Variants in ITPR1 observed in about 807,000 individuals in gnomAD.
ITPR1 encodes inositol 1,4,5-trisphosphate-gated calcium channel ITPR1.
A neutral mutation model predicts 318.4 loss-of-function variants in ITPR1; 96 were observed. The ratio of observed to expected loss-of-function variants is 0.30; its 90% CI spans 0.26 to 0.36. ITPR1 has a LOEUF of 0.36. Ranked by LOEUF, ITPR1 falls within the 10% of genes least tolerant of loss-of-function variation. The pLI is 1.00. For synonymous variants in ITPR1, 1,312 were observed against 1,289.9 expected (o/e 1.02, Z -0.37); for missense variants, 2,440 against 3,460.2 (o/e 0.71, Z 7.40).
At chr3:4,814,957 C>A in intron 58 of ITPR1, 96 bp from the exon 59 acceptor site, 4 of 997,936 alleles carry the variant, frequency 4.0e-6, no homozygotes, top group Non-Finnish European at 4.5e-6. Flanking sequence ...TAATTTCTAC[C>A]CAAGTAGATG....
At chr3:4,550,840 C>T (rs889879209) in intron 4 of ITPR1, among the ~76,000 whole-genome samples, 2 of 151,650 alleles carry the variant, frequency 1.3e-5, no homozygotes, top group African/African-American at 4.8e-5. Flanking sequence ...GAGCTATGAT[C>T]ATGCTACTGT....
At chr3:4,605,668 C>T (rs9850086) in intron 4 of ITPR1, among the ~76,000 whole-genome samples, 56,033 of 152,032 alleles carry the variant, frequency 0.37, 10,480 homozygotes, top group Middle Eastern at 0.44. Context: ...AAAGGTGACT[C>T]GGTATAGAGT....
intron 41 of ITPR1, among the ~76,000 whole-genome samples, chr3:4,726,217 A>G (rs1288899013): frequency 1.3e-5 from 2 of 151,754 alleles, no homozygotes; most frequent in African/African-American, 4.8e-5. Flanking sequence ...TTTAGTAGAG[A>G]TGGGGTTTTG....
At chr3:4,835,222 A>G (rs183839113) in intron 60 of ITPR1, among the ~76,000 whole-genome samples, 160 of 151,616 alleles carry the variant, frequency 1.1e-3, no homozygotes, top group African/African-American at 3.6e-3. Context: ...GGGCTTCTAT[A>G]TTGCTAGATG....
intron 4 of ITPR1, among the ~76,000 whole-genome samples, chr3:4,555,464 A>G (rs557076519): frequency 6.6e-6 from 1 of 152,324 alleles, no homozygotes; most frequent in East Asian, 1.9e-4. Flanking sequence ...ATTATTCTGC[A>G]ATTTGGTTTT....
intron 61 of ITPR1, among the ~76,000 whole-genome samples, chr3:4,842,268 A>G (rs2051404682): frequency 6.6e-6 from 1 of 152,248 alleles, no homozygotes; most frequent in African/African-American, 2.4e-5. Context: ...GAATGCTGAA[A>G]TTCAAGCTAG....
chr3:4,807,400 C>T (rs2048647482), intron 55 of ITPR1, among the ~76,000 whole-genome samples: 1 of 152,196 alleles, frequency 6.6e-6, no homozygotes, highest in Non-Finnish European at 1.5e-5. Flanking sequence ...GTGTGAGATG[C>T]TCCCTTCGCT....
At chr3:4,545,641 A>G (rs940320779) in intron 4 of ITPR1, among the ~76,000 whole-genome samples, 4 of 146,616 alleles carry the variant, frequency 2.7e-5, no homozygotes, top group African/African-American at 7.6e-5. Flanking sequence ...AAAAAAAAAA[A>G]GGCTTTGGAA....
intron 44 of ITPR1, chr3:4,751,441 C>G (rs889584832): frequency 6.6e-6 from 1 of 152,206 alleles, no homozygotes; most frequent in East Asian, 1.9e-4. Context: ...CTGTGTTGTC[C>G]ATCACATTCC....
Position 4,766,731 on chromosome 3 carries a change from A to G in ITPR1, c.5725+21A>G, listed in dbSNP as rs561776306. On this transcript the variant is annotated intron_variant, in intron 45 of 61. Coordinates refer to ENST00000649015, the MANE Select transcript of ITPR1 (RefSeq NM_001378452.1). ...AAAAGGTAAATGTTCCTCAGTCTTC[A>G]GTCAGCTGGATCATGAACACCAGAA... 21 of 1,568,818 alleles carry G rather than the reference A, an allele frequency of 1.3e-5. 1 individual carries two copies. In the South Asian group the frequency reaches 1.7e-4, roughly 13 times the overall value.
At chr3:4,564,831 A>G (rs2087052258) in intron 4 of ITPR1, among the ~76,000 whole-genome samples, 2 of 152,150 alleles carry the variant, frequency 1.3e-5, no homozygotes, top group Admixed American at 6.5e-5. Context: ...GAGGGTTAGG[A>G]CTTCAACACA....
intron 40 of ITPR1, among the ~76,000 whole-genome samples, chr3:4,719,692 T>C (rs553959181): frequency 1.3e-5 from 2 of 152,294 alleles, no homozygotes; most frequent in African/African-American, 4.8e-5. Context: ...GTACAATGCC[T>C]ACTGAGGCCC....
In ITPR1 at chr3:4,710,209, G is replaced by C. The variant is rs754095721; in HGVS notation, c.4843-116G>C. Reference sequence around the variant, plus strand: ...ATTTGAGATGCCAGACGGTACTAAAGTTACTCTAACCTAGCCTACCCGTGC... The same window carrying C: ...ATTTGAGATGCCAGACGGTACTAAACTTACTCTAACCTAGCCTACCCGTGC... On this transcript the variant is annotated intron_variant, in intron 37 of 61. Coordinates refer to ENST00000649015, the MANE Select transcript of ITPR1 (RefSeq NM_001378452.1). The surrounding 1 kb of genome is among the most constrained non-coding windows in gnomAD (Gnocchi z 4.2). The C allele has an allele frequency of 2.7e-5, 26 of 973,158 alleles. No homozygotes were observed. Among genetic ancestry groups the C allele is most frequent in the African/African-American group, 3.3e-5 (2 of 60,118 alleles). 60.3% of individuals were successfully genotyped at this position (973,158 alleles called of 1,614,324 possible).
At chr3:4,831,304 A>C in intron 60 of ITPR1, 1 of 274,790 alleles carries the variant, frequency 3.6e-6, no homozygotes, top group African/African-American at 2.2e-5. Context: ...GAACCTTAGC[A>C]CTTGTGGTCA....
chr3:4,758,705 G>T (rs2045208726), intron 44 of ITPR1, among the ~76,000 whole-genome samples: 1 of 152,152 alleles, frequency 6.6e-6, no homozygotes, highest in Non-Finnish European at 1.5e-5. Flanking sequence ...TTTGAACTAG[G>T]TAATAAAACA....
rs1434134192 is a variant in ITPR1, at chr3:4,782,754, C to T, written c.6510+13C>T. ...ATTAGCCCATCAGGTATGATCTCTC[C>T]TGTGCCTCCTCTGGATGCTGCCTCC... On this transcript the variant is annotated intron_variant, in intron 50 of 61. Transcript: ENST00000649015. 6.8e-7 allele frequency: 1 copy of T among 1,472,350 alleles called. No homozygotes were observed. Among genetic ancestry groups the T allele is most frequent in the East Asian group, 2.5e-5 (1 of 39,366 alleles). 91.2% of individuals were successfully genotyped at this position (1,472,350 alleles called of 1,614,324 possible). A position where few individuals can be genotyped will look rare whatever the true frequency, so the allele number is the denominator to read the frequency against.
Position 4,627,875 on chromosome 3 carries a change from G to T in ITPR1, c.276G>T (p.Leu92=). 6.2e-7 allele frequency: 1 copy of T among 1,604,420 alleles called. No individual in the cohort carries two copies. Among genetic ancestry groups the T allele is most frequent in the South Asian group, 1.1e-5 (1 of 90,324 alleles). Residue 92 remains leucine, a synonymous_variant, in exon 5 of 62, where the codon CTG becomes CTT. Transcript: ENST00000649015. ...STTDAVLLNK[L]HHAADLEKKQ... ...CAGACGCAGTGCTACTCAACAAACT[G>T]CACGTACGTATTGCCATGGGGCTGT...
At chr3:4,556,339 A>G (rs924033695) in intron 4 of ITPR1, among the ~76,000 whole-genome samples, 1 of 152,174 alleles carries the variant, frequency 6.6e-6, no homozygotes, top group Non-Finnish European at 1.5e-5. Flanking sequence ...ATTTACGTTA[A>G]GGTTCATTCT....
At chr3:4,761,164 G>A (rs1162357689) in intron 44 of ITPR1, among the ~76,000 whole-genome samples, 1 of 152,124 alleles carries the variant, frequency 6.6e-6, no homozygotes, top group Non-Finnish European at 1.5e-5. Flanking sequence ...GATTCAGGAG[G>A]TAAATGTGCA....
Sources: allele counts gnomAD v4.1 joint callset (sites outside exome capture counted in the v4.1 genomes callset), GRCh38; gene constraint gnomAD v4.1.1; non-coding constraint Gnocchi (gnomAD v3.1); transcripts MANE v1.5; gene names NCBI Gene and HGNC (gene_info 2026-07-23, HGNC 2026-07-21).